The following ANTXR1 variants were observed in gnomAD, a reference collection of about 807,000 sequenced individuals.
ANTXR1 encodes ANTXR cell adhesion molecule 1, also known as anthrax toxin receptor 1.
ANTXR1 carries 19 observed loss-of-function variants against 78.1 expected under a neutral mutation model. That is an observed-to-expected ratio of 0.24 (90% CI 0.17 to 0.36). ANTXR1 has a LOEUF of 0.36. ANTXR1 is among the 10% of genes least tolerant of loss of function. The probability of loss-of-function intolerance (pLI) is 1.00; values close to 1 mark genes in which losing one functional copy is unlikely to be tolerated. For synonymous variants in ANTXR1, 273 were observed against 260.5 expected (o/e 1.05, Z -0.46); for missense variants, 518 against 718.6 (o/e 0.72, Z 3.19).
chr2:69,035,801 T>C (rs1669383110), intron 1 of ANTXR1, among the ~76,000 whole-genome samples: 1 of 152,250 alleles, frequency 6.6e-6, no homozygotes, highest in Non-Finnish European at 1.5e-5. Flanking sequence ...TTTATTTTCT[T>C]CTTCAGAAAA....
chr2:69,102,898 A>G lies in ANTXR1; in HGVS notation c.760A>G (p.Arg254Gly). Reference protein sequence around the residue: ...NGFRHARNVDRVLCSFKINDS... With the variant: ...NGFRHARNVDGVLCSFKINDS... ...CTTCCGACATGCCCGCAACGTGGAC[A>G]GGGTCCTCTGCAGCTTCAAGATCAA... Residue 254 changes from arginine to glycine, a missense_variant, in exon 10 of 18, where the codon AGG becomes GGG. This residue lies in a region of ANTXR1 where 264 missense variants were observed against 391.8 expected (regional missense o/e 0.67). Coordinates refer to ENST00000303714, the MANE Select transcript of ANTXR1 (RefSeq NM_032208.3). 6.2e-7 allele frequency: 1 copy of G among 1,614,198 alleles called. No individual in the cohort carries two copies. Among genetic ancestry groups the G allele is most frequent in the Non-Finnish European group, 8.5e-7 (1 of 1,180,036 alleles).
chr2:69,206,975 C>T (rs536839887), intron 17 of ANTXR1, among the ~76,000 whole-genome samples: 60 of 152,210 alleles, frequency 3.9e-4, no homozygotes, highest in Admixed American at 9.2e-4. Context: ...AACATGAAGG[C>T]TTCCAAAAAG....
chr2:69,103,620 A>C (rs888274353), intron 10 of ANTXR1: 35 of 156,816 alleles, frequency 2.2e-4, no homozygotes, highest in Middle Eastern at 1.6e-3. Context: ...CATTTGTAGC[A>C]GTCAAGTTCC....
At chr2:69,187,634 C>T (rs1674452764) in intron 16 of ANTXR1, among the ~76,000 whole-genome samples, 1 of 129,096 alleles carries the variant, frequency 7.7e-6, no homozygotes, top group Admixed American at 9.0e-5. Flanking sequence ...TGTCACCAGG[C>T]TGGAGTGCAG....
In ANTXR1 at chr2:69,024,724, C is replaced by T. The variant is rs150152082; in HGVS notation, c.152+11073C>T. 1.8e-3 allele frequency among the ~76,000 whole-genome samples: 280 copies of T among 152,264 alleles called. 1 individual carries two copies. The Middle Eastern group carries it at 0.031, about 17-fold the overall frequency. On this transcript the variant is annotated intron_variant, in intron 1 of 17. Coordinates refer to ENST00000303714, the MANE Select transcript of ANTXR1 (RefSeq NM_032208.3). ...CACTCAAGTCTGATGATATCCACTG[C>T]CATATCTCTCCCAGGTTGACCTTGT... is the stretch of plus-strand genomic sequence containing the variant.
rs532634286 is a variant in ANTXR1, at chr2:69,121,374, A to G, written c.803-1643A>G. ...TTCTCAAAGCCTGCATCTCTAGTAT[A>G]TAGTAGGTCTTCAATAAATATTTGT... is the stretch of plus-strand genomic sequence containing the variant. On this transcript the variant is annotated intron_variant, in intron 10 of 17. Coordinates refer to ENST00000303714, the MANE Select transcript of ANTXR1 (RefSeq NM_032208.3). 2.6e-5 allele frequency among the ~76,000 whole-genome samples: 4 copies of G among 152,390 alleles called. No individual in the cohort carries two copies. The East Asian group carries it at 7.7e-4, about 29-fold the overall frequency.
chr2:69,019,013 G>A (rs1235577390), intron 1 of ANTXR1, among the ~76,000 whole-genome samples: 1 of 152,210 alleles, frequency 6.6e-6, no homozygotes, highest in Non-Finnish European at 1.5e-5. Context: ...GTTAATTGAT[G>A]AGTCAGACTT....
At chr2:69,084,261 A>G (rs912351743) in intron 8 of ANTXR1, among the ~76,000 whole-genome samples, 1 of 152,220 alleles carries the variant, frequency 6.6e-6, no homozygotes, top group African/African-American at 2.4e-5. Flanking sequence ...TCCTGCAGAC[A>G]TGAGAAGAAA....
chr2:69,046,545 A>G (rs1013928373), intron 3 of ANTXR1, among the ~76,000 whole-genome samples: 1 of 152,212 alleles, frequency 6.6e-6, no homozygotes, highest in Non-Finnish European at 1.5e-5. Flanking sequence ...AACAACAGCC[A>G]AAAATGCCTT....
intron 17 of ANTXR1, among the ~76,000 whole-genome samples, chr2:69,240,987 A>G (rs533899662): frequency 6.6e-6 from 1 of 152,312 alleles, no homozygotes; most frequent in African/African-American, 2.4e-5. Context: ...CTAAGCCTTC[A>G]TTTAGCTGGA....
intron 16 of ANTXR1, among the ~76,000 whole-genome samples, chr2:69,184,813 C>T (rs1005436984): frequency 6.6e-6 from 1 of 152,142 alleles, no homozygotes; most frequent in East Asian, 1.9e-4. Context: ...GTTGAATATA[C>T]AGAGGCTTTC....
At chr2:69,038,682 T>G (rs1166362234) in intron 1 of ANTXR1, among the ~76,000 whole-genome samples, 1 of 152,214 alleles carries the variant, frequency 6.6e-6, no homozygotes, top group African/African-American at 2.4e-5. Context: ...AGTGGAACAA[T>G]GACTATCACT....
intron 1 of ANTXR1, among the ~76,000 whole-genome samples, chr2:69,014,320 C>G (rs75509925): frequency 6.6e-6 from 1 of 152,050 alleles, no homozygotes; most frequent in Non-Finnish European, 1.5e-5. Context: ...TAACATCCCC[C>G]GCCCCCCACT....
chr2:69,142,315 A>C (rs1673092265), intron 12 of ANTXR1, among the ~76,000 whole-genome samples: 1 of 152,180 alleles, frequency 6.6e-6, no homozygotes, highest in Non-Finnish European at 1.5e-5. Flanking sequence ...TCTATTAAAC[A>C]CTTGAAGGGC....
At chr2:69,218,725 C>G (rs1675240355) in intron 17 of ANTXR1, among the ~76,000 whole-genome samples, 1 of 152,156 alleles carries the variant, frequency 6.6e-6, no homozygotes, top group Admixed American at 6.5e-5. Context: ...CCATGACAGC[C>G]AGGAACACAG....
At position 69,246,460 on chromosome 2, in the gene ANTXR1, C is replaced by G. The variant is rs979061126; in HGVS notation, c.*975C>G. The stretch of plus-strand genomic sequence containing the variant: ...CATTAGGACCTATCACACAATATCA[C>G]TAGTTTTTTTTGTTTGTTTGTTTTT... On this transcript the variant is annotated 3_prime_UTR_variant, in exon 18 of 18. Coordinates refer to ENST00000303714, the MANE Select transcript of ANTXR1 (RefSeq NM_032208.3). 3.9e-5 allele frequency: 6 copies of G among 152,124 alleles called. No individual in the cohort carries two copies. Among genetic ancestry groups the G allele is most frequent in the Non-Finnish European group, 7.3e-5 (5 of 68,062 alleles). The allele number at this position is 152,124 out of a possible 1,614,324, so 9.4% of individuals were successfully genotyped here. A position where few individuals can be genotyped will look rare whatever the true frequency, so the allele number is the denominator to read the frequency against.
At chr2:69,242,053 G>T (rs539414950) in intron 17 of ANTXR1, among the ~76,000 whole-genome samples, 2 of 152,226 alleles carry the variant, frequency 1.3e-5, no homozygotes, top group East Asian at 1.9e-4. Flanking sequence ...AGGACCAGGT[G>T]GTGGGGAGTG....
chr2:69,089,667 C>T (rs757856542), intron 8 of ANTXR1, among the ~76,000 whole-genome samples: 7 of 152,142 alleles, frequency 4.6e-5, no homozygotes, highest in Non-Finnish European at 1.0e-4. Context: ...AGAAATACAA[C>T]GATGCAAATA....
At chr2:69,096,930 T>C (rs1412705032) in intron 9 of ANTXR1, among the ~76,000 whole-genome samples, 1 of 152,242 alleles carries the variant, frequency 6.6e-6, no homozygotes, top group Non-Finnish European at 1.5e-5. Context: ...GTCACTGTAT[T>C]TACAGTCCCT....
Sources: gnomAD v4.1 joint callset for allele counts (sites outside exome capture counted in the v4.1 genomes callset) on GRCh38, gnomAD v4.1.1 for gene constraint, gnomAD v4.1.1 regional missense constraint, MANE v1.5 for transcripts, NCBI Gene and HGNC (gene_info 2026-07-23, HGNC 2026-07-21) for gene names.